The following YLPM1 variants were observed in gnomAD, a reference collection of about 807,000 sequenced individuals.
YLPM1 encodes YLP motif containing 1, also known as YLP motif-containing protein 1.
Under a neutral mutation model 230.0 loss-of-function variants are expected in YLPM1, and 99 were observed. The ratio of observed to expected loss-of-function variants is 0.43; its 90% CI spans 0.37 to 0.51. The LOEUF (loss-of-function observed/expected upper bound fraction) is 0.51. Ranked by LOEUF, YLPM1 falls within the 20% of genes least tolerant of loss-of-function variation. The probability of loss-of-function intolerance (pLI) is 0.00; values close to 1 mark genes in which losing one functional copy is unlikely to be tolerated. For missense variants in YLPM1, 2,592 were observed against 2,707.7 expected, an observed-to-expected ratio of 0.96 and a Z score of 0.95; for synonymous variants, 984 against 942.5, an observed-to-expected ratio of 1.04 and a Z score of -0.81.
At chr14:74,817,150 A>G in intron 14 of YLPM1, 43 bp downstream of exon 14, 1 of 1,595,786 alleles carries the variant, frequency 6.3e-7, no homozygotes, top group Non-Finnish European at 8.5e-7. Context: ...GTTGTCATGT[A>G]AATGTTATAT....
chr14:74,812,670 C>T lies in YLPM1; in HGVS notation c.5390C>T (p.Ala1797Val). Residue 1797 changes from alanine to valine, a missense_variant, in exon 11 of 21, where the codon GCT becomes GTT. This residue lies in a region of YLPM1 where 403 missense variants were observed against 426.7 expected (regional missense o/e 0.94). Transcript: ENST00000325680. ...TYPEERMPLP[A>V]PSLSHQPPPA... ...CCTGAGGAGCGAATGCCTCTGCCAG[C>T]TCCTTCACTGAGCCACCAGCCTCCT... 6.2e-7 allele frequency: 1 copy of T among 1,613,626 alleles called. No individual in the cohort carries two copies. Among genetic ancestry groups the T allele is most frequent in the Middle Eastern group, 1.7e-4 (1 of 6,060 alleles).
At chr14:74,823,991 T>G in intron 17 of YLPM1, 1 of 355,602 alleles carries the variant, frequency 2.8e-6, no homozygotes, top group East Asian at 4.9e-5. Flanking sequence ...ACTACAATTG[T>G]GAGTCCTGAA....
At chr14:74,767,377 T>G (rs897933165) in intron 1 of YLPM1, among the ~76,000 whole-genome samples, 4 of 152,198 alleles carry the variant, frequency 2.6e-5, no homozygotes, top group African/African-American at 9.7e-5. Flanking sequence ...GTCCTCACAG[T>G]CTGTTCCCAA....
At chr14:74,813,897 A>G (rs1303269386) in intron 11 of YLPM1, among the ~76,000 whole-genome samples, 1 of 152,210 alleles carries the variant, frequency 6.6e-6, no homozygotes. Flanking sequence ...GTATAAGATC[A>G]TGTCATCTGC....
intron 6 of YLPM1, among the ~76,000 whole-genome samples, chr14:74,808,653 A>C (rs2091402131): frequency 6.6e-6 from 1 of 152,060 alleles, no homozygotes; most frequent in African/African-American, 2.4e-5. Context: ...AAATACAAAA[A>C]ATCAGCTGGG....
At chr14:74,818,153 A>T (rs1474231610) in intron 15 of YLPM1, 78 bp from the exon 16 acceptor site, 30 of 750,842 alleles carry the variant, frequency 4.0e-5, no homozygotes, top group Non-Finnish European at 5.4e-5. Context: ...AATATTGTTA[A>T]ATGTTGTTTA....
chr14:74,821,359 G>A (rs1425214340), intron 17 of YLPM1: 2 of 534,142 alleles, frequency 3.7e-6, no homozygotes, highest in African/African-American at 3.9e-5. Flanking sequence ...AGAGTGCTAA[G>A]AAACTTACCC....
chr14:74,799,516 C>T lies in YLPM1; in HGVS notation c.4219C>T (p.Pro1407Ser), dbSNP rs2091304070. The change falls in exon 5 of 21, where the codon CCA becomes TCA. Residue 1407 changes from proline to serine, a missense_variant. Pro to Ser is a moderately conservative substitution (Grantham distance 74, BLOSUM62 -1). This residue lies in a region of YLPM1 where 1,862 missense variants were observed against 1,819.8 expected (regional missense o/e 1.02). Coordinates refer to ENST00000325680, the MANE Select transcript of YLPM1 (RefSeq NM_019589.3). ...ERERLSDRWY[P>S]SDVDRHSPMA... ...AGAACGGTTGTCAGACAGATGGTAC[C>T]CATCTGATGTGGATAGACATTCCCC... 6.2e-7 allele frequency: 1 copy of T among 1,613,914 alleles called. No individual in the cohort carries two copies. Among genetic ancestry groups the T allele is most frequent in the African/African-American group, 1.3e-5 (1 of 75,002 alleles).
chr14:74,824,127 AGGATGTATTTACAGCTAGTCAGT>A, intron 17 of YLPM1, 106 bp from the exon 18 acceptor site: 1 of 808,898 alleles, frequency 1.2e-6, no homozygotes, highest in East Asian at 2.8e-5. Flanking sequence ...GTTTCCCCTA[AGGATGTATTTACAGCTAGTCAGT>A]GGAAACTGAA....
At chr14:74,803,134 G>T (rs1015909180) in intron 6 of YLPM1, among the ~76,000 whole-genome samples, 69 of 152,002 alleles carry the variant, frequency 4.5e-4, no homozygotes, top group African/African-American at 1.6e-3. Context: ...ATCTAGGCAG[G>T]GCTAGATGTG....
In YLPM1 at chr14:74,764,131, G is replaced by A; in HGVS notation, c.642G>A (p.Ser214=). The change falls in exon 1 of 21, where the codon TCG becomes TCA. Residue 214 remains serine (S), a synonymous_variant. Transcript: ENST00000325680. ...CTTACTCATCCTCCTCCTCTTCCTC[G>A]CAATCCTATTTGAGCCATTCCCAGT... ...TPSYSSSSSS[S]QSYLSHSQSY... 6.2e-7 allele frequency: 1 copy of A among 1,612,348 alleles called. No individual in the cohort carries two copies.
At chr14:74,829,484 G>T (rs1225104803) in intron 19 of YLPM1, 141 bp downstream of exon 19, 103 of 1,197,416 alleles carry the variant, frequency 8.6e-5, no homozygotes, top group Non-Finnish European at 1.2e-4. Context: ...CCAAGAAGGA[G>T]TCATACCTTA....
At position 74,799,514 on chromosome 14, in the gene YLPM1, A is replaced by G; in HGVS notation, c.4217A>G (p.Tyr1406Cys). Residue 1406 changes from tyrosine to cysteine, a missense_variant, in exon 5 of 21, where the codon TAC (tyrosine) becomes TGC (cysteine). Around this residue, in one of 4 missense-constraint regions of YLPM1, gnomAD observed 1,862 missense variants for 1,819.8 expected, o/e 1.02. Transcript: ENST00000325680. ...WERERLSDRW[Y>C]PSDVDRHSPM... is the part of the protein sequence containing the mutation. ...AGAGAACGGTTGTCAGACAGATGGT[A>G]CCCATCTGATGTGGATAGACATTCC... 1 of 1,613,946 alleles carries G rather than the reference A, an allele frequency of 6.2e-7. No homozygotes were observed. Among genetic ancestry groups the G allele is most frequent in the South Asian group, 1.1e-5 (1 of 91,080 alleles).
At position 74,814,077 on chromosome 14, in the gene YLPM1, T is replaced by A. The variant is rs531708814; in HGVS notation, c.5502+1295T>A. Among the ~76,000 whole-genome samples the A allele has an allele frequency of 4.6e-5, 7 of 152,334 alleles. No individual in the cohort carries two copies. In the South Asian group the frequency reaches 1.5e-3, roughly 32 times the overall value. On this transcript the variant is annotated intron_variant, in intron 11 of 20. Coordinates refer to ENST00000325680, the MANE Select transcript of YLPM1 (RefSeq NM_019589.3). ...TACAATCTTTTACCATTAAGAATGA[T>A]GTTGCTGGGTGTGGTGGCTCACGCC... is the stretch of plus-strand genomic sequence containing the variant.
chr14:74,801,355 TCCCTCATTTGTGGA>T (rs554960156), intron 5 of YLPM1, among the ~76,000 whole-genome samples: 217 of 152,318 alleles, frequency 1.4e-3, no homozygotes, highest in South Asian at 3.5e-3. Flanking sequence ...TACTTTGTGG[TCCCTCATTTGTGGA>T]CCCTCATTTG....
chr14:74,763,527 A>T lies in YLPM1; in HGVS notation c.38A>T (p.His13Leu), dbSNP rs1300660781. ...PNWGRYGGSS[H>L]YPPPPVPPPP... ...TGGGGCCGGTATGGCGGGAGCAGCCACTATCCGCCGCCACCGGTCCCACCG... is the reference window on the plus strand; with the variant it reads ...TGGGGCCGGTATGGCGGGAGCAGCCTCTATCCGCCGCCACCGGTCCCACCG... Residue 13 changes from histidine (H) to leucine (L), a missense_variant, in exon 1 of 21, where the codon CAC becomes CTC. Transcript: ENST00000325680. 3 of 1,507,718 alleles carry T rather than the reference A, an allele frequency of 2.0e-6. No individual in the cohort carries two copies. Among genetic ancestry groups the T allele is most frequent in the Non-Finnish European group, 2.7e-6 (3 of 1,125,532 alleles). The allele number at this position is 1,507,718 out of a possible 1,614,324, so 93.4% of individuals were successfully genotyped here.
chr14:74,784,183 C>T (rs2091123625), intron 4 of YLPM1, among the ~76,000 whole-genome samples: 1 of 152,176 alleles, frequency 6.6e-6, no homozygotes, highest in Admixed American at 6.5e-5. Context: ...ATTTCCTGCT[C>T]CCTTGATTTC....
intron 18 of YLPM1, among the ~76,000 whole-genome samples, chr14:74,825,853 TTTTC>T (rs2091557272): frequency 6.6e-6 from 1 of 152,200 alleles, no homozygotes; most frequent in African/African-American, 2.4e-5. Flanking sequence ...CATCTTTTAC[TTTTC>T]TTTCTGTTTT....
At chr14:74,796,968 C>CTT (rs3083626) in intron 4 of YLPM1, among the ~76,000 whole-genome samples, 26,613 of 85,272 alleles carry the variant, frequency 0.31, 6,565 homozygotes, top group East Asian at 0.42. Flanking sequence ...TTTATAATTG[C>CTT]TTTTTTTTTT....
Sources: allele counts gnomAD v4.1 joint callset (sites outside exome capture counted in the v4.1 genomes callset), GRCh38; gene constraint gnomAD v4.1.1; regional missense constraint gnomAD v4.1.1; transcripts MANE v1.5; gene names NCBI Gene and HGNC (gene_info 2026-07-23, HGNC 2026-07-21).